Variants in RBFOX1 observed in about 807,000 individuals in gnomAD.
The protein encoded by RBFOX1 is RNA binding fox-1 homolog 1.
A neutral mutation model predicts 57.7 loss-of-function variants in RBFOX1; 8 were observed. The ratio of observed to expected loss-of-function variants is 0.14; its 90% CI spans 0.08 to 0.25. The LOEUF (loss-of-function observed/expected upper bound fraction) is 0.25. Ranked by LOEUF, RBFOX1 falls within the 10% of genes least tolerant of loss-of-function variation. The pLI is 1.00. For synonymous variants in RBFOX1, 326 were observed against 222.4 expected, an observed-to-expected ratio of 1.47 and a Z score of -4.15; for missense variants, 611 against 548.5, an observed-to-expected ratio of 1.11 and a Z score of -1.14.
chr16:5,749,480 C>G (rs2053112620), intron 3 of RBFOX1, among the ~76,000 whole-genome samples: 1 of 152,214 alleles, frequency 6.6e-6, no homozygotes, highest in African/African-American at 2.4e-5. Flanking sequence ...TGGTGCCATT[C>G]TCCCTGTCAC....
At chr16:7,333,254 C>A (rs2096725143) in intron 4 of RBFOX1, among the ~76,000 whole-genome samples, 1 of 152,194 alleles carries the variant, frequency 6.6e-6, no homozygotes, top group African/African-American at 2.4e-5. Flanking sequence ...CCTAATCTAG[C>A]TATCGACATC....
chr16:7,301,355 G>A (rs1368513241), intron 4 of RBFOX1, among the ~76,000 whole-genome samples: 2 of 152,210 alleles, frequency 1.3e-5, no homozygotes, highest in African/African-American at 4.8e-5. Context: ...GTTATCCAGA[G>A]AGCAGAGCCC....
At chr16:7,194,348 C>G (rs184426837) in intron 4 of RBFOX1, among the ~76,000 whole-genome samples, 3 of 152,194 alleles carry the variant, frequency 2.0e-5, no homozygotes, top group African/African-American at 7.2e-5. Flanking sequence ...ATCCAGTTGC[C>G]TTTTAAAAAT....
At chr16:7,602,861 T>G (rs1053438215) in intron 9 of RBFOX1, among the ~76,000 whole-genome samples, 1 of 152,176 alleles carries the variant, frequency 6.6e-6, no homozygotes, top group African/African-American at 2.4e-5. Context: ...AACAAATTTT[T>G]AAAAAATCTA....
intron 1 of RBFOX1, among the ~76,000 whole-genome samples, chr16:6,262,224 T>A (rs1184718851): frequency 6.6e-6 from 1 of 152,124 alleles, no homozygotes; most frequent in African/African-American, 2.4e-5. Context: ...CTCATTCAGA[T>A]GGGCAGGAAA....
intron 3 of RBFOX1, among the ~76,000 whole-genome samples, chr16:7,019,973 C>G (rs1164038048): frequency 6.7e-6 from 1 of 149,200 alleles, no homozygotes; most frequent in Non-Finnish European, 1.5e-5. Flanking sequence ...TTTCTTCTGG[C>G]TCTCTCTTTT....
chr16:6,620,315 T>C (rs1208595073), intron 2 of RBFOX1, among the ~76,000 whole-genome samples: 1 of 152,078 alleles, frequency 6.6e-6, no homozygotes, highest in African/African-American at 2.4e-5. Flanking sequence ...AAAGATAAAA[T>C]ATACCAGAAT....
chr16:7,458,079 C>G (rs1276331707), intron 4 of RBFOX1, among the ~76,000 whole-genome samples: 1 of 152,156 alleles, frequency 6.6e-6, no homozygotes, highest in Non-Finnish European at 1.5e-5. Flanking sequence ...GATTCACCTT[C>G]CAAATCAGAA....
intron 4 of RBFOX1, among the ~76,000 whole-genome samples, chr16:7,348,725 T>C (rs1221395837): frequency 1.3e-5 from 2 of 152,178 alleles, no homozygotes; most frequent in African/African-American, 4.8e-5. Flanking sequence ...GCAGATCACC[T>C]GAGGTCAGGA....
chr16:7,704,226 T>C (rs1035240087), intron 14 of RBFOX1, among the ~76,000 whole-genome samples: 1 of 152,172 alleles, frequency 6.6e-6, no homozygotes, highest in African/African-American at 2.4e-5. Flanking sequence ...AACTTGTTGC[T>C]AAAGGTCAAA....
chr16:5,937,328 C>T (rs748992901), intron 4 of RBFOX1, among the ~76,000 whole-genome samples: 1 of 152,064 alleles, frequency 6.6e-6, no homozygotes, highest in Non-Finnish European at 1.5e-5. Context: ...AGACAGTATC[C>T]CTGTCCTCAG....
chr16:7,671,127 C>T (rs1201842030), intron 13 of RBFOX1, among the ~76,000 whole-genome samples: 1 of 152,162 alleles, frequency 6.6e-6, no homozygotes, highest in African/African-American at 2.4e-5. Context: ...GTTATGGTTG[C>T]TACTGTGCTG....
intron 3 of RBFOX1, among the ~76,000 whole-genome samples, chr16:6,915,609 G>A (rs2072953412): frequency 7.1e-6 from 1 of 141,718 alleles, no homozygotes; most frequent in Non-Finnish European, 1.5e-5. Context: ...GGAGTGCAGT[G>A]CCATGATCTC....
chr16:7,297,238 G>T (rs944528170), intron 4 of RBFOX1, among the ~76,000 whole-genome samples: 1 of 152,192 alleles, frequency 6.6e-6, no homozygotes, highest in Non-Finnish European at 1.5e-5. Context: ...TGCTTTATAT[G>T]TGAGGCTTGA....
chr16:7,610,118 C>CTTTTTTT lies in RBFOX1; in HGVS notation c.676+2795_676+2801dup, dbSNP rs34468596. Among the ~76,000 whole-genome samples the CTTTTTTT allele has an allele frequency of 2.1e-4, 14 of 65,612 alleles. 1 individual carries two copies. Among genetic ancestry groups the CTTTTTTT allele is most frequent in the African/African-American group, 6.4e-4 (8 of 12,430 alleles). 43.0% of individuals were successfully genotyped at this position (65,612 alleles called of 152,430 possible). A position where few individuals can be genotyped will look rare whatever the true frequency, so the allele number is the denominator to read the frequency against. Reference sequence around the variant, plus strand: ...GGTGTGAGCCACTGCGCCCGGCCCCCTTTTTTTTTTTTTTTTTTTTTGAGG... The same window carrying CTTTTTTT: ...GGTGTGAGCCACTGCGCCCGGCCCCCTTTTTTTTTTTTTTTTTTTTTTTTTTTTGAGG... On this transcript the variant is annotated intron_variant, in intron 10 of 15. Transcript: ENST00000550418.
intron 4 of RBFOX1, among the ~76,000 whole-genome samples, chr16:7,454,286 A>C (rs1335017716): frequency 6.6e-6 from 1 of 152,196 alleles, no homozygotes; most frequent in Non-Finnish European, 1.5e-5. Context: ...GAAGTCAAGG[A>C]AGCAAGGAAG....
rs567378879 is a variant in RBFOX1 at position 6,983,210 on chromosome 16, T to A, written c.-15-68847T>A. Among the ~76,000 whole-genome samples the A allele has an allele frequency of 1.4e-3, 207 of 152,162 alleles. 11 individuals are homozygous for A. The South Asian group carries it at 0.042, about 31-fold the overall frequency. ...CCTTGGGTAGTACTCATCCTCTGACTCTGTCACCCGCTTTATCCTCTTGGT... is the reference window on the plus strand; with the variant it reads ...CCTTGGGTAGTACTCATCCTCTGACACTGTCACCCGCTTTATCCTCTTGGT... On this transcript the variant is annotated intron_variant, in intron 3 of 15. Transcript: ENST00000550418.
intron 2 of RBFOX1, among the ~76,000 whole-genome samples, chr16:6,497,295 G>C (rs542702675): frequency 6.6e-6 from 1 of 152,106 alleles, no homozygotes; most frequent in African/African-American, 2.4e-5. Flanking sequence ...GCATTAGCTG[G>C]GATGTGTGGG....
intron 4 of RBFOX1, among the ~76,000 whole-genome samples, chr16:7,118,843 T>G (rs1439825057): frequency 2.0e-5 from 3 of 152,120 alleles, no homozygotes; most frequent in African/African-American, 7.2e-5. Context: ...AAAGAGAGAA[T>G]GGAAGCATAT....
Sources: gnomAD v4.1 joint callset for allele counts (sites outside exome capture counted in the v4.1 genomes callset) on GRCh38, gnomAD v4.1.1 for gene constraint, MANE v1.5 for transcripts, NCBI Gene and HGNC (gene_info 2026-07-23, HGNC 2026-07-21) for gene names.